ANO2: variants seen among roughly 807,000 people sequenced by gnomAD.
ANO2 encodes anoctamin-2.
ANO2 carries 101 observed loss-of-function variants against 124.2 expected under a neutral mutation model. The observed-to-expected ratio is 0.81, with a 90% CI of 0.69 to 0.96. The LOEUF is 0.96. Among genes scored for constraint, ANO2 ranks in the 40% least tolerant of loss-of-function variants. The pLI is 0.00. For missense variants in ANO2, 1,293 were observed against 1,274.5 expected (o/e 1.01, Z -0.22); for synonymous variants, 486 against 482.5 (o/e 1.01, Z -0.09).
chr12:5,586,255 T>C (rs1943105667), intron 20 of ANO2, among the ~76,000 whole-genome samples: 1 of 152,166 alleles, frequency 6.6e-6, no homozygotes, highest in Non-Finnish European at 1.5e-5. Context: ...AATCTATGCC[T>C]CAGCAGCAAA....
At chr12:5,665,962 C>T (rs144170151) in intron 14 of ANO2, among the ~76,000 whole-genome samples, 6 of 152,192 alleles carry the variant, frequency 3.9e-5, no homozygotes, top group African/African-American at 1.2e-4. Context: ...CTCCAGAACA[C>T]GCACAAGGCA....
At chr12:5,867,892 A>T (rs1375106671) in intron 3 of ANO2, among the ~76,000 whole-genome samples, 1 of 152,116 alleles carries the variant, frequency 6.6e-6, no homozygotes, top group African/African-American at 2.4e-5. Flanking sequence ...TAAGAGTAAA[A>T]GGGTGGTTAC....
chr12:5,645,803 C>T (rs975753056), intron 15 of ANO2, among the ~76,000 whole-genome samples: 15 of 151,992 alleles, frequency 9.9e-5, no homozygotes, highest in Non-Finnish European at 1.8e-4. Context: ...AATATGCTTC[C>T]CTACAGAGAG....
intron 4 of ANO2, chr12:5,836,643 C>T (rs972696989): frequency 1.3e-5 from 2 of 153,172 alleles, no homozygotes; most frequent in Middle Eastern, 1.0e-3. Context: ...ATTGACCTTT[C>T]CGTGTAGTTC....
At chr12:5,587,969 C>A (rs1358692937) in intron 20 of ANO2, among the ~76,000 whole-genome samples, 1 of 152,234 alleles carries the variant, frequency 6.6e-6, no homozygotes, top group African/African-American at 2.4e-5. Flanking sequence ...TGAGGACCTG[C>A]CCCACCATTC....
chr12:5,614,062 T>C (rs1365657956), intron 17 of ANO2, among the ~76,000 whole-genome samples: 1 of 152,234 alleles, frequency 6.6e-6, no homozygotes, highest in Non-Finnish European at 1.5e-5. Context: ...TAGTGCCTGC[T>C]TAATGAACTT....
At chr12:5,592,831 T>G (rs897161683) in intron 20 of ANO2, among the ~76,000 whole-genome samples, 1 of 152,120 alleles carries the variant, frequency 6.6e-6, no homozygotes, top group Non-Finnish European at 1.5e-5. Flanking sequence ...TCACGCAAAG[T>G]CAGAAAGTAG....
intron 6 of ANO2, among the ~76,000 whole-genome samples, chr12:5,829,190 C>T (rs1480380444): frequency 6.6e-6 from 1 of 152,166 alleles, no homozygotes; most frequent in Non-Finnish European, 1.5e-5. Flanking sequence ...TTAGGAACAG[C>T]ACTTATATGG....
intron 16 of ANO2, among the ~76,000 whole-genome samples, chr12:5,633,888 A>G (rs1191219666): frequency 6.6e-6 from 1 of 151,920 alleles, no homozygotes; most frequent in East Asian, 1.9e-4. Context: ...TTTGCCAGGA[A>G]TCTTCCTCTC....
Position 5,685,942 on chromosome 12 carries a change from C to T in ANO2, c.1546-38141G>A, listed in dbSNP as rs373472870. 1.4e-3 allele frequency among the ~76,000 whole-genome samples: 220 copies of T among 152,304 alleles called. 2 individuals are homozygous for T. The highest frequency in any genetic ancestry group is 5.1e-3 in the African/African-American group (211 of 41,560). Reference sequence around the variant, plus strand: ...ACAGAGGGCTGGCCATTTCCCCAGTCCCACCGCTGGAGCAGCACTCCCCTC... The same window carrying T: ...ACAGAGGGCTGGCCATTTCCCCAGTTCCACCGCTGGAGCAGCACTCCCCTC... On this transcript the variant is annotated intron_variant, in intron 14 of 24. Coordinates refer to ENST00000682330, the MANE Select transcript of ANO2 (RefSeq NM_001364791.2).
chr12:5,914,204 A>G (rs201087390), intron 3 of ANO2, among the ~76,000 whole-genome samples: 1 of 23,438 alleles, frequency 4.3e-5, no homozygotes, highest in Non-Finnish European at 1.4e-4. Context: ...CATCTCAAAA[A>G]AGAAAAAAAG....
chr12:5,628,569 G>A (rs1220257525), intron 16 of ANO2, among the ~76,000 whole-genome samples: 3 of 152,162 alleles, frequency 2.0e-5, no homozygotes, highest in Non-Finnish European at 2.9e-5. Context: ...CTAAATGGGA[G>A]TATTAAGATT....
At chr12:5,645,742 C>G (rs1257295347) in intron 15 of ANO2, among the ~76,000 whole-genome samples, 1 of 152,170 alleles carries the variant, frequency 6.6e-6, no homozygotes, top group Non-Finnish European at 1.5e-5. Flanking sequence ...ACTGTGTTCT[C>G]TTTATTGCCC....
At chr12:5,798,515 A>C (rs1952941024) in intron 10 of ANO2, among the ~76,000 whole-genome samples, 1 of 152,144 alleles carries the variant, frequency 6.6e-6, no homozygotes, top group Non-Finnish European at 1.5e-5. Context: ...GCCCAGGGCA[A>C]CCAGCCAGGA....
intron 3 of ANO2, among the ~76,000 whole-genome samples, chr12:5,884,298 T>C (rs1014645200): frequency 5.3e-5 from 8 of 152,216 alleles, no homozygotes; most frequent in Non-Finnish European, 1.2e-4. Context: ...GCAGCTTCAG[T>C]TTCAGAGGTG....
At chr12:5,857,889 G>A (rs1955154177) in intron 3 of ANO2, among the ~76,000 whole-genome samples, 1 of 152,178 alleles carries the variant, frequency 6.6e-6, no homozygotes. Flanking sequence ...GGATGAGCCT[G>A]GAGGACATCA....
chr12:5,722,862 C>G (rs916930087), intron 14 of ANO2, among the ~76,000 whole-genome samples: 1 of 152,134 alleles, frequency 6.6e-6, no homozygotes, highest in Admixed American at 6.5e-5. Flanking sequence ...TTTAAGGAGA[C>G]AACATTGGGA....
At chr12:5,852,617 A>C (rs367694962) in intron 4 of ANO2, among the ~76,000 whole-genome samples, 193 of 152,214 alleles carry the variant, frequency 1.3e-3, no homozygotes, top group African/African-American at 4.4e-3. Context: ...GTTGGTAGTG[A>C]AAATGGTGTT....
intron 22 of ANO2, among the ~76,000 whole-genome samples, chr12:5,576,984 G>A (rs1315171416): frequency 6.6e-6 from 1 of 152,174 alleles, no homozygotes; most frequent in Admixed American, 6.5e-5. Flanking sequence ...CCATTTGACA[G>A]ATAAGTAAAC....
Sources: gnomAD v4.1 joint callset for allele counts (sites outside exome capture counted in the v4.1 genomes callset) on GRCh38, gnomAD v4.1.1 for gene constraint, MANE v1.5 for transcripts, NCBI Gene and HGNC (gene_info 2026-07-23, HGNC 2026-07-21) for gene names.